The following JAM2 variants were observed in gnomAD, a reference collection of about 807,000 sequenced individuals.
The protein encoded by JAM2 is junctional adhesion molecule B.
A neutral mutation model predicts 42.0 loss-of-function variants in JAM2; 17 were observed. The observed-to-expected ratio is 0.40, with a 90% confidence interval of 0.28 to 0.61. JAM2 has a LOEUF of 0.61. Among genes scored for constraint, JAM2 ranks in the 20% least tolerant of loss-of-function variants. JAM2 has a pLI of 0.37. For missense variants in JAM2, 319 were observed against 358.3 expected, an observed-to-expected ratio of 0.89 and a Z score of 0.89; for synonymous variants, 118 against 128.6, an observed-to-expected ratio of 0.92 and a Z score of 0.56.
intron 9 of JAM2, among the ~76,000 whole-genome samples, chr21:25,712,791 C>G (rs1370112284): frequency 6.6e-6 from 1 of 152,152 alleles, no homozygotes; most frequent in Non-Finnish European, 1.5e-5. Flanking sequence ...CAGAGTGGTT[C>G]CAGCAGAGCT....
rs560278301 is a variant in JAM2, at chr21:25,716,907, G to A, written c.*2235G>A. 2 of 152,264 alleles carry A rather than the reference G, an allele frequency of 1.3e-5. No homozygotes were observed. The highest frequency in any genetic ancestry group is 2.9e-5 in the Non-Finnish European group (2 of 68,014). The allele number at this position is 152,264 out of a possible 1,614,324, so 9.4% of individuals were successfully genotyped here. ...AAGAGGATAGATGACTCTGAAAGAC[G>A]CCTCTTCAGACATACCTGTCATCAC... On this transcript the variant is annotated 3_prime_UTR_variant, in exon 10 of 10. Coordinates refer to ENST00000480456, the MANE Select transcript of JAM2 (RefSeq NM_021219.4).
intron 5 of JAM2, among the ~76,000 whole-genome samples, chr21:25,699,526 T>C (rs1237044358): frequency 1.3e-5 from 2 of 151,694 alleles, no homozygotes; most frequent in Non-Finnish European, 2.9e-5. Context: ...ATCAAGACCA[T>C]CCTGGCTAAC....
At chr21:25,647,482 A>G (rs981671281) in intron 1 of JAM2, among the ~76,000 whole-genome samples, 8 of 152,208 alleles carry the variant, frequency 5.3e-5, no homozygotes, top group African/African-American at 1.9e-4. Flanking sequence ...TGCTCCAAAA[A>G]GTTATTTATG....
intron 7 of JAM2, 42 bp downstream of exon 7, chr21:25,706,128 G>A: frequency 8.3e-7 from 1 of 1,206,874 alleles, no homozygotes; most frequent in Non-Finnish European, 1.2e-6. Flanking sequence ...ACTTTCTATG[G>A]CTATGGAGTT....
chr21:25,711,729 G>A (rs1319348956), intron 8 of JAM2, among the ~76,000 whole-genome samples: 2 of 149,738 alleles, frequency 1.3e-5, no homozygotes, highest in African/African-American at 2.5e-5. Context: ...TGAGTGACAC[G>A]AAAAGTAATT....
At chr21:25,712,975 G>A (rs373384365) in intron 9 of JAM2, among the ~76,000 whole-genome samples, 7 of 152,218 alleles carry the variant, frequency 4.6e-5, no homozygotes, top group African/African-American at 1.7e-4. Flanking sequence ...GGCACCAGTA[G>A]ACTCAATGTC....
At chr21:25,669,123 A>C (rs1344759172) in intron 1 of JAM2, among the ~76,000 whole-genome samples, 1 of 152,198 alleles carries the variant, frequency 6.6e-6, no homozygotes, top group Non-Finnish European at 1.5e-5. Flanking sequence ...CTATAATCCC[A>C]GCATTTTGGG....
chr21:25,696,063 C>T (rs1249793562), intron 4 of JAM2, among the ~76,000 whole-genome samples: 3 of 152,174 alleles, frequency 2.0e-5, no homozygotes, highest in Non-Finnish European at 4.4e-5. Flanking sequence ...TTGTAGCGAG[C>T]CGAGATCACG....
At chr21:25,671,655 A>C (rs748928020) in intron 1 of JAM2, among the ~76,000 whole-genome samples, 1 of 152,046 alleles carries the variant, frequency 6.6e-6, no homozygotes, top group Non-Finnish European at 1.5e-5. Flanking sequence ...ACAGGCGTGC[A>C]CCACCACACC....
intron 1 of JAM2, among the ~76,000 whole-genome samples, chr21:25,675,846 T>C (rs2033477157): frequency 6.6e-6 from 1 of 152,170 alleles, no homozygotes; most frequent in South Asian, 2.1e-4. Flanking sequence ...ATCTAAACCA[T>C]ATCAGTATAA....
rs561233129 is a variant in JAM2, at chr21:25,709,080, C to T, written c.806-354C>T. Reference sequence around the variant, plus strand: ...GAACCCCAATTAAGAGAAATGTTATCTTCCCCAAAAGCATTCCATTTCTCT... The same window carrying T: ...GAACCCCAATTAAGAGAAATGTTATTTTCCCCAAAAGCATTCCATTTCTCT... On this transcript the variant is annotated intron_variant, in intron 7 of 9. Transcript: ENST00000480456. 3.3e-5 allele frequency among the ~76,000 whole-genome samples: 5 copies of T among 152,128 alleles called. No individual in the cohort carries two copies. In the East Asian group the frequency reaches 7.7e-4, roughly 23 times the overall value.
intron 1 of JAM2, among the ~76,000 whole-genome samples, chr21:25,659,808 C>T (rs2033030949): frequency 6.6e-6 from 1 of 152,150 alleles, no homozygotes. Context: ...AGACTTAAAA[C>T]AATAATTATC....
chr21:25,666,406 C>T (rs957271469), intron 1 of JAM2, among the ~76,000 whole-genome samples: 1 of 151,894 alleles, frequency 6.6e-6, no homozygotes, highest in Admixed American at 6.6e-5. Context: ...CTCACTGCAA[C>T]CTCTGCCTCC....
At chr21:25,699,671 A>T (rs960167117) in intron 5 of JAM2, among the ~76,000 whole-genome samples, 5 of 139,114 alleles carry the variant, frequency 3.6e-5, no homozygotes, top group African/African-American at 1.1e-4. Flanking sequence ...TGCAGTGAGC[A>T]GAGATCGCGC....
At chr21:25,691,332 A>T (rs2033876457) in intron 3 of JAM2, among the ~76,000 whole-genome samples, 1 of 152,260 alleles carries the variant, frequency 6.6e-6, no homozygotes, top group Admixed American at 6.5e-5. Flanking sequence ...GCATATGCAG[A>T]AATGCAAAAC....
intron 7 of JAM2, among the ~76,000 whole-genome samples, chr21:25,708,879 A>C (rs998854950): frequency 1.3e-5 from 2 of 152,192 alleles, no homozygotes; most frequent in African/African-American, 4.8e-5. Context: ...TTCATCTAGC[A>C]GAAAAATCTA....
At chr21:25,655,483 CTT>C (rs35503919) in intron 1 of JAM2, among the ~76,000 whole-genome samples, 7 of 130,042 alleles carry the variant, frequency 5.4e-5, no homozygotes, top group Admixed American at 7.9e-5. Flanking sequence ...AACATCAGCT[CTT>C]TTTTTTTTTT....
chr21:25,713,630 G>T (rs2034425990), intron 9 of JAM2, among the ~76,000 whole-genome samples: 1 of 152,118 alleles, frequency 6.6e-6, no homozygotes. Context: ...GTAAAAATTT[G>T]ATTTTCAAAA....
At chr21:25,696,145 G>A (rs1229686687) in intron 4 of JAM2, among the ~76,000 whole-genome samples, 2 of 152,234 alleles carry the variant, frequency 1.3e-5, no homozygotes, top group African/African-American at 4.8e-5. Context: ...CGGCACCTCG[G>A]GAGGCCGAGG....
Sources: gnomAD v4.1 joint callset for allele counts (sites outside exome capture counted in the v4.1 genomes callset) on GRCh38, gnomAD v4.1.1 for gene constraint, MANE v1.5 for transcripts, NCBI Gene and HGNC (gene_info 2026-07-23, HGNC 2026-07-21) for gene names.